Variants in CNIH3 observed in about 807,000 individuals in gnomAD.
CNIH3 encodes the protein cornichon family AMPA receptor auxiliary protein 3.
A neutral mutation model predicts 24.1 loss-of-function variants in CNIH3; 14 were observed. The observed-to-expected ratio is 0.58, with a 90% CI of 0.38 to 0.91. The LOEUF (loss-of-function observed/expected upper bound fraction) is 0.91. Among genes scored for constraint, CNIH3 ranks in the 40% least tolerant of loss-of-function variants. The probability of loss-of-function intolerance (pLI) is 0.00; values close to 1 mark genes in which losing one functional copy is unlikely to be tolerated. For missense variants in CNIH3, 178 were observed against 196.8 expected (o/e 0.90, Z 0.57); for synonymous variants, 68 against 73.8 (o/e 0.92, Z 0.40).
intron 2 of CNIH3, among the ~76,000 whole-genome samples, chr1:224,534,391 C>G (rs922116853): frequency 1.6e-4 from 25 of 152,070 alleles, no homozygotes; most frequent in African/African-American, 6.0e-4. Flanking sequence ...CATCAAAATG[C>G]TGGGAGTTGA....
rs754360578 is a variant in CNIH3 at position 224,688,554 on chromosome 1, CCTT to C, written c.198+3718_198+3720del. Among the ~76,000 whole-genome samples the C allele has an allele frequency of 3.9e-4, 60 of 152,246 alleles. 1 individual carries two copies. The highest frequency in any genetic ancestry group is 7.7e-4 in the East Asian group (4 of 5,190). ...TTTCTGGGACTTCTGTCATCTAAAT[CCTT>C]CTTCTTGGGAACACTGGCTTAGTCA... On this transcript the variant is annotated intron_variant, in intron 3 of 5. Coordinates refer to ENST00000272133, the MANE Select transcript of CNIH3 (RefSeq NM_152495.2).
intron 3 of CNIH3, among the ~76,000 whole-genome samples, chr1:224,685,718 C>T (rs1010627342): frequency 3.9e-5 from 6 of 152,074 alleles, no homozygotes; most frequent in Admixed American, 3.9e-4. Flanking sequence ...AAAGTTTTTT[C>T]TGTATTTCAG....
In CNIH3 at chr1:224,697,312, C is replaced by T. The variant is rs1219546946; in HGVS notation, c.198+12469C>T. ...ATCCTGCTGCCTTTGTCCCGCCCCCCGGAATTTCTGAAGTGCAGCTTGGCA... is the reference window on the plus strand; with the variant it reads ...ATCCTGCTGCCTTTGTCCCGCCCCCTGGAATTTCTGAAGTGCAGCTTGGCA... On this transcript the variant is annotated intron_variant, in intron 3 of 5. Coordinates refer to ENST00000272133, the MANE Select transcript of CNIH3 (RefSeq NM_152495.2). Among the ~76,000 whole-genome samples the T allele has an allele frequency of 2.6e-5, 4 of 152,162 alleles. No homozygotes were observed. In the South Asian group the frequency reaches 6.2e-4, roughly 24 times the overall value.
Position 224,467,087 on chromosome 1 carries a change from G to A in CNIH3, n.203+32225G>A, listed in dbSNP as rs150526834. Among the ~76,000 whole-genome samples the A allele has an allele frequency of 4.3e-3, 659 of 152,272 alleles. 3 individuals carry two copies. Among genetic ancestry groups the A allele is most frequent in the Non-Finnish European group, 7.4e-3 (504 of 68,022 alleles). On this transcript the variant is annotated intron_variant and non_coding_transcript_variant, in intron 1 of 5. Coordinates refer to the CNIH3 transcript ENST00000471578. ...GTTACCCATGCTGGAGTGCAGTGGT[G>A]TGATCATGGCTCATTGCAGCCTTGA...
chr1:224,601,621 C>T (rs890875671), intron 3 of CNIH3, among the ~76,000 whole-genome samples: 1 of 152,170 alleles, frequency 6.6e-6, no homozygotes, highest in Non-Finnish European at 1.5e-5. Context: ...GTCTGCCTGA[C>T]TACCTACTGT....
At chr1:224,546,326 A>C (rs1202996161) in intron 2 of CNIH3, among the ~76,000 whole-genome samples, 1 of 152,196 alleles carries the variant, frequency 6.6e-6, no homozygotes, top group Non-Finnish European at 1.5e-5. Context: ...AATGGTTTGC[A>C]AACAAAAATG....
intron 3 of CNIH3, among the ~76,000 whole-genome samples, chr1:224,694,331 G>T (rs140880467): frequency 4.6e-5 from 7 of 152,308 alleles, no homozygotes; most frequent in African/African-American, 1.2e-4. Context: ...AAGTCCAGCA[G>T]CCCTCATGGC....
Position 224,536,284 on chromosome 1 carries a change from C to CTTTT in CNIH3, n.344-631_344-628dup, listed in dbSNP as rs373201561. Among the ~76,000 whole-genome samples, 425 of 86,084 alleles carry CTTTT rather than the reference C, an allele frequency of 4.9e-3. 14 individuals carry two copies. Among genetic ancestry groups the CTTTT allele is most frequent in the East Asian group, 0.022 (55 of 2,526 alleles). The allele number at this position is 86,084 out of a possible 152,430, so 56.5% of individuals were successfully genotyped here. On this transcript the variant is annotated intron_variant and non_coding_transcript_variant, in intron 2 of 2. Transcript: ENST00000470602. ...GGGAAATAGCTGCCATAATTGTTGT[C>CTTTT]TTTTTTTTTTTTTTTTTTTTTTTTG...
At chr1:224,734,881 C>G (rs1448177592) in intron 5 of CNIH3, among the ~76,000 whole-genome samples, 175 bp downstream of exon 5, 1 of 152,162 alleles carries the variant, frequency 6.6e-6, no homozygotes, top group Non-Finnish European at 1.5e-5. Flanking sequence ...TCTGTATAAA[C>G]AAGTAAGGGG....
chr1:224,443,445 A>G (rs112449912), intron 1 of CNIH3, among the ~76,000 whole-genome samples: 153 of 152,320 alleles, frequency 1.0e-3, no homozygotes, highest in African/African-American at 3.6e-3. Flanking sequence ...CAGCTAGGTC[A>G]GCTGGCAAAG....
At chr1:224,486,698 G>T (rs189946733) in intron 1 of CNIH3, among the ~76,000 whole-genome samples, 2 of 152,306 alleles carry the variant, frequency 1.3e-5, no homozygotes, top group East Asian at 3.9e-4. Context: ...CACCTCACTA[G>T]TTGGTGCAGC....
intron 1 of CNIH3, among the ~76,000 whole-genome samples, chr1:224,494,360 T>A (rs1451979018): frequency 1.3e-5 from 2 of 152,192 alleles, no homozygotes; most frequent in Non-Finnish European, 2.9e-5. Flanking sequence ...TTTATCCCTG[T>A]GTCCTTCTAA....
chr1:224,579,396 G>A (rs1055170674), intron 4 of CNIH3, among the ~76,000 whole-genome samples: 14 of 152,152 alleles, frequency 9.2e-5, no homozygotes, highest in Non-Finnish European at 1.6e-4. Flanking sequence ...TCAAATGTGG[G>A]TTTTACTAGG....
intron 1 of CNIH3, among the ~76,000 whole-genome samples, chr1:224,457,264 CCT>C (rs71755086): frequency 0.061 from 6,651 of 108,378 alleles, 172 homozygotes; most frequent in African/African-American, 0.1. Flanking sequence ...GCTGAGCCCT[CCT>C]CTCTCTCTCT....
At chr1:224,739,125 A>C (rs1483825077) in intron 5 of CNIH3, among the ~76,000 whole-genome samples, 1 of 152,036 alleles carries the variant, frequency 6.6e-6, no homozygotes, top group African/African-American at 2.4e-5. Context: ...ATGCTCTCCC[A>C]AAAAATTTTT....
intron 1 of CNIH3, among the ~76,000 whole-genome samples, chr1:224,622,927 T>C (rs758989942): frequency 6.6e-6 from 1 of 152,224 alleles, no homozygotes. Flanking sequence ...TGGGGCCTTA[T>C]TCTTCAGTAG....
intron 2 of CNIH3, among the ~76,000 whole-genome samples, chr1:224,535,203 G>A (rs1041492132): frequency 2.0e-5 from 3 of 152,168 alleles, no homozygotes; most frequent in Non-Finnish European, 2.9e-5. Context: ...GAATCTGGAC[G>A]TAGACGCAGC....
At chr1:224,511,884 G>C (rs1678165010), upstream of CNIH3, among the ~76,000 whole-genome samples, 1 of 150,806 alleles carries the variant, frequency 6.6e-6, no homozygotes. Flanking sequence ...ATTTTTAAAA[G>C]TTTGGAGCTG....
rs569534591 is a variant in CNIH3, at chr1:224,495,377, GTATCCTTAACTAC to G, written n.204-20362_204-20350del. 2.9e-3 allele frequency among the ~76,000 whole-genome samples: 448 copies of G among 152,284 alleles called. 29 individuals are homozygous for G. In the South Asian group the frequency reaches 0.085, roughly 29 times the overall value. Reference sequence around the variant, plus strand: ...ACTACAAGATCAATGGGAAGGTCTTGTATCCTTAACTACTTAAAAATTGGACTTGTTTCCTTCC... The same window carrying G: ...ACTACAAGATCAATGGGAAGGTCTTGTTAAAAATTGGACTTGTTTCCTTCC... On this transcript the variant is annotated intron_variant and non_coding_transcript_variant, in intron 1 of 5. Coordinates refer to the CNIH3 transcript ENST00000471578.
Sources: gnomAD v4.1 joint callset for allele counts (sites outside exome capture counted in the v4.1 genomes callset) on GRCh38, gnomAD v4.1.1 for gene constraint, MANE v1.5 for transcripts, NCBI Gene and HGNC (gene_info 2026-07-23, HGNC 2026-07-21) for gene names.